Variants in SH3BP4 observed in about 807,000 individuals in gnomAD.
SH3BP4 encodes SH3 domain binding protein 4.
Under a neutral mutation model 65.5 loss-of-function variants are expected in SH3BP4, and 33 were observed. That is an observed-to-expected ratio of 0.50 (90% CI 0.38 to 0.67). SH3BP4 has a LOEUF of 0.67. Ranked by LOEUF, SH3BP4 falls within the 30% of genes least tolerant of loss-of-function variation. SH3BP4 has a pLI of 0.00. For missense variants in SH3BP4, 1,134 were observed against 1,261.4 expected (o/e 0.90, Z 1.53); for synonymous variants, 552 against 545.5 (o/e 1.01, Z -0.17).
intron 1 of SH3BP4, among the ~76,000 whole-genome samples, chr2:234,975,096 T>C (rs1370138947): frequency 6.6e-6 from 1 of 152,184 alleles, no homozygotes; most frequent in Non-Finnish European, 1.5e-5. Context: ...TGGGTTCGTT[T>C]GGTGCCGGGA....
intron 2 of SH3BP4, among the ~76,000 whole-genome samples, chr2:235,012,202 C>T (rs1241939221): frequency 2.6e-5 from 4 of 152,170 alleles, no homozygotes; most frequent in Admixed American, 2.0e-4. Context: ...GACACAAGAA[C>T]GGCAACTGGG....
intron 3 of SH3BP4, among the ~76,000 whole-genome samples, chr2:235,038,008 T>C (rs944420508): frequency 1.3e-5 from 2 of 151,578 alleles, no homozygotes; most frequent in African/African-American, 4.8e-5. Flanking sequence ...CGTTTACGCA[T>C]GCACGATGAT....
In SH3BP4 at chr2:235,036,740, A is replaced by AAATAATAATAATAATAATAATAATAAT. The variant is rs1553567054; in HGVS notation, c.118+1638_118+1639insAATAATAATAATAATAATAATAATAAT. On this transcript the variant is annotated intron_variant, in intron 3 of 5. Coordinates refer to ENST00000392011, the MANE Select transcript of SH3BP4 (RefSeq NM_014521.3). ...ACTGCACTCTGAGACTCTATATAAA[A>AAATAATAATAATAATAATAATAATAAT]AATAATAATAATAATAATGACAGTG... 3.5e-3 allele frequency among the ~76,000 whole-genome samples: 495 copies of AAATAATAATAATAATAATAATAATAAT among 141,764 alleles called. 2 individuals are homozygous for AAATAATAATAATAATAATAATAATAAT. Among genetic ancestry groups the AAATAATAATAATAATAATAATAATAAT allele is most frequent in the African/African-American group, 8.3e-3 (309 of 37,058 alleles). 93.0% of individuals were successfully genotyped at this position (141,764 alleles called of 152,430 possible). A position where few individuals can be genotyped will look rare whatever the true frequency, so the allele number is the denominator to read the frequency against.
intron 2 of SH3BP4, among the ~76,000 whole-genome samples, chr2:235,003,799 T>C (rs1694206978): frequency 6.6e-6 from 1 of 152,228 alleles, no homozygotes; most frequent in East Asian, 1.9e-4. Flanking sequence ...GCAGTGTCTG[T>C]ATCCAGTTGG....
chr2:234,984,734 C>CCAGT (rs1310889236), intron 1 of SH3BP4, among the ~76,000 whole-genome samples: 1 of 152,084 alleles, frequency 6.6e-6, no homozygotes, highest in East Asian at 1.9e-4. Flanking sequence ...GACAGAAAAC[C>CCAGT]CAGTGGTCTA....
rs1482685200 is a variant in SH3BP4 at position 234,974,339 on chromosome 2, T to G, written c.-206-20964T>G. 2.0e-5 allele frequency among the ~76,000 whole-genome samples: 3 copies of G among 152,032 alleles called. No homozygotes were observed. Among genetic ancestry groups the G allele is most frequent in the Non-Finnish European group, 2.9e-5 (2 of 68,022 alleles). ...AAGATCGCACTATTGCACTCCAGCC[T>G]GGGCAAAGAGCGAAACTCTGTCTAA... On this transcript the variant is annotated intron_variant, in intron 1 of 5. Coordinates refer to ENST00000392011, the MANE Select transcript of SH3BP4 (RefSeq NM_014521.3). The surrounding 1 kb of genome is among the most constrained non-coding windows in gnomAD (Gnocchi z 4.6).
At chr2:234,983,852 C>T (rs904861029) in intron 1 of SH3BP4, among the ~76,000 whole-genome samples, 2 of 152,208 alleles carry the variant, frequency 1.3e-5, no homozygotes, top group Non-Finnish European at 2.9e-5. Context: ...CAGCTCACCC[C>T]CTCGGAGCCT....
chr2:235,041,446 T>C lies in SH3BP4; in HGVS notation c.677T>C (p.Leu226Pro). Residue 226 changes from leucine (L) to proline (P), a missense_variant, in exon 4 of 6, where the codon CTC (leucine) becomes CCC (proline). Physicochemically the swap from Leu to Pro is moderately conservative, Grantham distance 98. Transcript: ENST00000392011. The surrounding 1 kb of genome is among the most constrained non-coding windows in gnomAD (Gnocchi z 6.0). ...IFDELPVTNG[L>P]HAEPPVRRDN... ...GATGAGCTTCCAGTCACAAACGGAC[T>C]CCACGCAGAGCCGCCGGTCAGGCGG... The C allele has an allele frequency of 6.2e-7, 1 of 1,614,128 alleles. No homozygotes were observed. The highest frequency in any genetic ancestry group is 8.5e-7 in the Non-Finnish European group (1 of 1,180,038).
intron 2 of SH3BP4, among the ~76,000 whole-genome samples, chr2:235,016,140 G>A (rs949702028): frequency 1.5e-5 from 2 of 129,988 alleles, no homozygotes; most frequent in South Asian, 3.0e-4. Context: ...GGTGGGGGGT[G>A]GGGGGAGGAG....
At chr2:234,956,077 T>C (rs1480624448) in intron 1 of SH3BP4, among the ~76,000 whole-genome samples, 1 of 152,156 alleles carries the variant, frequency 6.6e-6, no homozygotes, top group Non-Finnish European at 1.5e-5. Flanking sequence ...AGAAAATAGC[T>C]TGTACTCTGA....
rs578103140 is a variant in SH3BP4, at chr2:235,026,845, G to A, written c.-132-8026G>A. On this transcript the variant is annotated intron_variant, in intron 2 of 5. Coordinates refer to ENST00000392011, the MANE Select transcript of SH3BP4 (RefSeq NM_014521.3). This position sits in a 1 kb window ranked among gnomAD's most constrained non-coding sequence, Gnocchi z 4.6. ...CTGTGAGTGAGTCTGATCGGCTGGC[G>A]TGCCTGTCGGTGGCTGCCCATGCCT... Among the ~76,000 whole-genome samples the A allele has an allele frequency of 4.6e-5, 7 of 152,126 alleles. No homozygotes were observed. Among genetic ancestry groups the A allele is most frequent in the Admixed American group, 1.3e-4 (2 of 15,280 alleles).
rs1358775537 is a variant in SH3BP4 at position 235,010,772 on chromosome 2, G to T, written c.-133+15396G>T. ...ACAACCCTTCCTCCCTCTCCTAGGA[G>T]AACCCTTCCTCCCTCTCCTAGGAGA... On this transcript the variant is annotated intron_variant, in intron 2 of 5. Transcript: ENST00000392011. Among the ~76,000 whole-genome samples, 3 of 116,274 alleles carry T rather than the reference G, an allele frequency of 2.6e-5. 1 individual carries two copies. Among genetic ancestry groups the T allele is most frequent in the Admixed American group, 1.7e-4 (2 of 11,754 alleles). The allele number at this position is 116,274 out of a possible 152,430, so 76.3% of individuals were successfully genotyped here.
rs1004113005 is a variant in SH3BP4 at position 234,967,126 on chromosome 2, A to G, written c.-207+14956A>G. 1.3e-5 allele frequency among the ~76,000 whole-genome samples: 2 copies of G among 152,184 alleles called. No individual in the cohort carries two copies. Among genetic ancestry groups the G allele is most frequent in the Non-Finnish European group, 2.9e-5 (2 of 68,038 alleles). ...TAACAGATCGGGAAACTGAGGAACCATGGGGTTTAGGGACTTGTGTGAGCT... is the reference window on the plus strand; with the variant it reads ...TAACAGATCGGGAAACTGAGGAACCGTGGGGTTTAGGGACTTGTGTGAGCT... On this transcript the variant is annotated intron_variant, in intron 1 of 5. Transcript: ENST00000392011. This position sits in a 1 kb window ranked among gnomAD's most constrained non-coding sequence, Gnocchi z 4.6.
chr2:235,047,717 G>A (rs1222998857), intron 4 of SH3BP4, among the ~76,000 whole-genome samples: 1 of 152,182 alleles, frequency 6.6e-6, no homozygotes, highest in African/African-American at 2.4e-5. Flanking sequence ...TTCCTAAGGG[G>A]CCAGAGTGAG....
chr2:234,984,821 C>T lies in SH3BP4; in HGVS notation c.-206-10482C>T, dbSNP rs542748896. 4.6e-5 allele frequency among the ~76,000 whole-genome samples: 7 copies of T among 151,050 alleles called. No individual in the cohort carries two copies. The East Asian group carries it at 5.9e-4, about 13-fold the overall frequency. ...ACAAGGACTTGGGTGCTGATGTTTT[C>T]GGGGAGATGACTGGTCCCAGCAGTC... On this transcript the variant is annotated intron_variant, in intron 1 of 5. Transcript: ENST00000392011.
At position 234,997,455 on chromosome 2, in the gene SH3BP4, C is replaced by T. The variant is rs2106278050; in HGVS notation, c.-133+2079C>T. Among the ~76,000 whole-genome samples, 1 of 152,310 alleles carries T rather than the reference C, an allele frequency of 6.6e-6. No homozygotes were observed. The highest frequency in any genetic ancestry group is 2.1e-4 in the South Asian group (1 of 4,822). On this transcript the variant is annotated intron_variant, in intron 2 of 5. Coordinates refer to ENST00000392011, the MANE Select transcript of SH3BP4 (RefSeq NM_014521.3). The surrounding 1 kb of genome is among the most constrained non-coding windows in gnomAD (Gnocchi z 4.2). ...TCATCACCATCAGAGGTAGTTTATC[C>T]TGGTGCCTGGTGTCCTTCAGGATGA...
chr2:235,020,676 CT>C (rs1694824223), intron 2 of SH3BP4, among the ~76,000 whole-genome samples: 1 of 152,238 alleles, frequency 6.6e-6, no homozygotes, highest in African/African-American at 2.4e-5. Flanking sequence ...CTTCCGACTA[CT>C]GCTGTTACTA....
intron 1 of SH3BP4, among the ~76,000 whole-genome samples, chr2:234,972,571 C>T (rs1463922475): frequency 1.3e-5 from 2 of 151,874 alleles, no homozygotes; most frequent in East Asian, 1.9e-4. Flanking sequence ...CAAAAAAATA[C>T]AAAAAATTAG....
At chr2:234,986,192 T>C (rs1693555794) in intron 1 of SH3BP4, among the ~76,000 whole-genome samples, 1 of 151,974 alleles carries the variant, frequency 6.6e-6, no homozygotes, top group Non-Finnish European at 1.5e-5. Flanking sequence ...ATCTCTCTTA[T>C]TCATGAGGAG....
Sources: allele counts gnomAD v4.1 joint callset (sites outside exome capture counted in the v4.1 genomes callset), GRCh38; gene constraint gnomAD v4.1.1; non-coding constraint Gnocchi (gnomAD v3.1); transcripts MANE v1.5; gene names NCBI Gene and HGNC (gene_info 2026-07-23, HGNC 2026-07-21).